The following DCDC1 variants were observed in gnomAD, a reference collection of about 807,000 sequenced individuals.
DCDC1 encodes the protein doublecortin domain containing 1.
Under a neutral mutation model 178.3 loss-of-function variants are expected in DCDC1, and 200 were observed. The observed-to-expected ratio is 1.12, with a 90% confidence interval of 1.00 to 1.26. DCDC1 has a LOEUF of 1.26. Ranked by LOEUF, DCDC1 falls within the 50% of genes most tolerant of loss-of-function variation. The pLI, the probability that DCDC1 is intolerant of heterozygous loss-of-function variation, is 0.00. For synonymous variants in DCDC1, 690 were observed against 604.8 expected (o/e 1.14, Z -2.07); for missense variants, 1,983 against 1,749.2 (o/e 1.13, Z -2.38).
At chr11:31,022,643 TTGTGTGTGTGTGTGTGTGTGTGTG>T (rs4067986) in intron 20 of DCDC1, among the ~76,000 whole-genome samples, 3 of 120,950 alleles carry the variant, frequency 2.5e-5, no homozygotes, top group East Asian at 2.3e-4. Context: ...GTCTTTTAGT[TTGTGTGTGTGTGTGTGTGTGTGTG>T]TGTGTGTGTG....
chr11:31,213,326 G>A (rs530789515), intron 9 of DCDC1, among the ~76,000 whole-genome samples: 140 of 151,822 alleles, frequency 9.2e-4, no homozygotes, highest in African/African-American at 3.2e-3. Flanking sequence ...AGTAGAGACT[G>A]GATTTTAATT....
intron 31 of DCDC1, chr11:30,904,733 C>T: frequency 3.5e-6 from 2 of 565,686 alleles, no homozygotes; most frequent in South Asian, 2.2e-5. Context: ...TGCTCTAGAG[C>T]CAATCTAAAA....
intron 21 of DCDC1, chr11:30,943,162 G>A (rs1195115098): frequency 6.6e-6 from 1 of 152,052 alleles, no homozygotes; most frequent in Non-Finnish European, 1.5e-5. Flanking sequence ...TAGATGAGCT[G>A]TGGTGCTCCC....
intron 20 of DCDC1, among the ~76,000 whole-genome samples, chr11:31,026,876 T>A (rs954500646): frequency 6.6e-6 from 1 of 151,820 alleles, no homozygotes; most frequent in Non-Finnish European, 1.5e-5. Context: ...TTTGCTATAC[T>A]TTGTTACTAT....
intron 7 of DCDC1, among the ~76,000 whole-genome samples, chr11:31,278,251 T>A (rs1946139783): frequency 1.3e-5 from 2 of 152,172 alleles, no homozygotes; most frequent in African/African-American, 4.8e-5. Flanking sequence ...GTATTCTTAT[T>A]CCCATATCAT....
chr11:30,886,119 G>GA (rs994490323), intron 36 of DCDC1, among the ~76,000 whole-genome samples: 5 of 149,586 alleles, frequency 3.3e-5, no homozygotes, highest in Admixed American at 6.7e-5. Flanking sequence ...GATCACAAAG[G>GA]AAAAAAAAAT....
chr11:31,191,204 AT>A (rs938651052), intron 9 of DCDC1, among the ~76,000 whole-genome samples: 3 of 151,778 alleles, frequency 2.0e-5, no homozygotes, highest in Admixed American at 6.6e-5. Context: ...GTAACCATCC[AT>A]TTTTTTTCTA....
At chr11:30,971,017 C>T (rs1384338182) in intron 20 of DCDC1, among the ~76,000 whole-genome samples, 1 of 152,022 alleles carries the variant, frequency 6.6e-6, no homozygotes, top group African/African-American at 2.4e-5. Flanking sequence ...GCTGGTGCGC[C>T]CACACACACA....
chr11:31,112,573 G>A (rs1959197358), intron 11 of DCDC1, among the ~76,000 whole-genome samples: 1 of 152,150 alleles, frequency 6.6e-6, no homozygotes, highest in African/African-American at 2.4e-5. Context: ...GCTGAGGCTA[G>A]CCTTGGGTCC....
chr11:30,978,617 T>C (rs1294186764), intron 20 of DCDC1, among the ~76,000 whole-genome samples: 3 of 152,154 alleles, frequency 2.0e-5, no homozygotes, highest in Non-Finnish European at 4.4e-5. Flanking sequence ...TTTCTATGTG[T>C]TGATAACATT....
At chr11:31,117,983 T>C (rs998181814) in intron 11 of DCDC1, among the ~76,000 whole-genome samples, 1 of 152,128 alleles carries the variant, frequency 6.6e-6, no homozygotes, top group African/African-American at 2.4e-5. Context: ...GTATGATGTA[T>C]TTTGTAAAAA....
intron 21 of DCDC1, chr11:30,943,659 A>G (rs1208632831): frequency 2.2e-6 from 1 of 453,404 alleles, no homozygotes; most frequent in South Asian, 1.6e-5. Context: ...GAGTTCCTCT[A>G]ATTTTTTCCA....
intron 18 of DCDC1, among the ~76,000 whole-genome samples, chr11:31,066,857 T>C (rs1377458095): frequency 6.6e-6 from 1 of 152,210 alleles, no homozygotes; most frequent in Non-Finnish European, 1.5e-5. Flanking sequence ...ATGTAACCTG[T>C]AGACTTTGGT....
rs150359089 is a variant in DCDC1, at chr11:31,255,515, C to T, written c.1054+9992G>A. 9.2e-5 allele frequency among the ~76,000 whole-genome samples: 14 copies of T among 152,180 alleles called. 1 individual carries two copies. The East Asian group carries it at 2.7e-3, about 29-fold the overall frequency. On this transcript the variant is annotated intron_variant, in intron 8 of 38. Transcript: ENST00000684477. ...TATGTGTGTGTGAGTTTTATTATAG[C>T]CATCCCAGTATGTGTGAAGTAGTAC...
rs770053319 is a variant in DCDC1 at position 31,106,817 on chromosome 11, G to T, written c.1731C>A (p.Val577=). The change falls in exon 13 of 39, where the codon GTC becomes GTA. Residue 577 remains valine, a synonymous_variant. Transcript: ENST00000684477. ...LSLKNEQKIW[V]SYGRAYRSPL... is the part of the protein sequence containing the mutation. ...CCTACCTGTATGCTCTACCATAAGA[G>T]ACCCAAATTTTTTGCTCATTCTTCA... The T allele has an allele frequency of 5.4e-5, 41 of 766,054 alleles. 1 individual carries two copies. In the Admixed American group the frequency reaches 6.8e-4, roughly 13 times the overall value. The allele number at this position is 766,054 out of a possible 1,614,324, so 47.5% of individuals were successfully genotyped here.
rs185335235 is a variant in DCDC1, at chr11:31,357,968, C to T, written c.-125+11729G>A. 1.9e-4 allele frequency among the ~76,000 whole-genome samples: 29 copies of T among 152,308 alleles called. No individual in the cohort carries two copies. In the East Asian group the frequency reaches 5.2e-3, roughly 27 times the overall value. On this transcript the variant is annotated intron_variant, in intron 1 of 38. Transcript: ENST00000684477. ...ACAACAAACGGAAGAACATTCCATGCTCATGGGTAGGAAGAATCAATACCG... is the reference window on the plus strand; with the variant it reads ...ACAACAAACGGAAGAACATTCCATGTTCATGGGTAGGAAGAATCAATACCG...
At chr11:30,870,349 A>G (rs528761539) in intron 38 of DCDC1, among the ~76,000 whole-genome samples, 1 of 152,274 alleles carries the variant, frequency 6.6e-6, no homozygotes, top group Non-Finnish European at 1.5e-5. Flanking sequence ...ACACTGCTCC[A>G]TGGGTGTCCT....
At chr11:31,279,246 TTGTG>T (rs1555161525) in intron 7 of DCDC1, among the ~76,000 whole-genome samples, 1 of 151,526 alleles carries the variant, frequency 6.6e-6, no homozygotes, top group African/African-American at 2.4e-5. Context: ...TTTCTTTTTT[TTGTG>T]TGTGTGTGTG....
At chr11:31,217,288 G>T (rs967385906) in intron 9 of DCDC1, among the ~76,000 whole-genome samples, 2 of 152,120 alleles carry the variant, frequency 1.3e-5, no homozygotes, top group Non-Finnish European at 2.9e-5. Context: ...CTATTTGTAA[G>T]TATATACAAA....
Sources: gnomAD v4.1 joint callset for allele counts (sites outside exome capture counted in the v4.1 genomes callset) on GRCh38, gnomAD v4.1.1 for gene constraint, MANE v1.5 for transcripts, NCBI Gene and HGNC (gene_info 2026-07-23, HGNC 2026-07-21) for gene names.